The following KAZN variants were observed in gnomAD, a reference collection of about 807,000 sequenced individuals.
The protein encoded by KAZN is kazrin, periplakin interacting protein.
KAZN carries 40 observed loss-of-function variants against 87.4 expected under a neutral mutation model. The observed-to-expected ratio is 0.46, with a 90% CI of 0.36 to 0.60. KAZN has a LOEUF of 0.60. Among genes scored for constraint, KAZN ranks in the 20% least tolerant of loss-of-function variants. KAZN has a pLI of 0.00. For missense variants in KAZN, 898 were observed against 1,073.9 expected (o/e 0.84, Z 2.29); for synonymous variants, 466 against 458.3 (o/e 1.02, Z -0.22).
At chr1:14,986,689 G>T (rs2101926078) in intron 2 of KAZN, among the ~76,000 whole-genome samples, 2 of 152,176 alleles carry the variant, frequency 1.3e-5, no homozygotes, top group South Asian at 4.2e-4. Flanking sequence ...CTTAATTTGA[G>T]GTCACTTCAA....
chr1:14,219,182 G>T (rs1347144080), intron 2 of KAZN, among the ~76,000 whole-genome samples: 1 of 152,104 alleles, frequency 6.6e-6, no homozygotes, highest in Non-Finnish European at 1.5e-5. Flanking sequence ...CAGGGGAAAT[G>T]AAATATAGGG....
intron 1 of KAZN, among the ~76,000 whole-genome samples, chr1:13,956,228 T>A (rs1186576713): frequency 6.6e-6 from 1 of 152,210 alleles, no homozygotes; most frequent in Non-Finnish European, 1.5e-5. Flanking sequence ...TCAAGTTGAG[T>A]CTTCCTTACT....
chr1:15,003,228 T>G (rs184924521), intron 2 of KAZN, among the ~76,000 whole-genome samples: 3 of 152,208 alleles, frequency 2.0e-5, no homozygotes, highest in Non-Finnish European at 4.4e-5. Flanking sequence ...GCTTTCCAGG[T>G]GGGATAATGC....
chr1:14,715,715 C>T (rs1180427054), intron 1 of KAZN, among the ~76,000 whole-genome samples: 1 of 152,172 alleles, frequency 6.6e-6, no homozygotes, highest in Admixed American at 6.5e-5. Flanking sequence ...CAGTCAGAAC[C>T]ATTTTTCTGA....
intron 4 of KAZN, among the ~76,000 whole-genome samples, chr1:15,049,562 C>T (rs1239599065): frequency 6.6e-6 from 1 of 152,210 alleles, no homozygotes; most frequent in African/African-American, 2.4e-5. Flanking sequence ...AGACTGGAAG[C>T]ACCCCTCCAT....
chr1:14,829,343 G>A (rs561222683), intron 1 of KAZN, among the ~76,000 whole-genome samples: 1 of 152,312 alleles, frequency 6.6e-6, no homozygotes, highest in South Asian at 2.1e-4. Context: ...AATTATTTAG[G>A]AACATGTAAC....
intron 2 of KAZN, among the ~76,000 whole-genome samples, chr1:14,418,907 A>G (rs1235216046): frequency 6.6e-6 from 1 of 152,204 alleles, no homozygotes; most frequent in East Asian, 1.9e-4. Context: ...TGCAGAAATG[A>G]TGGCTGGATG....
intron 1 of KAZN, among the ~76,000 whole-genome samples, chr1:14,613,259 G>A (rs1462534865): frequency 6.6e-6 from 1 of 152,242 alleles, no homozygotes; most frequent in Non-Finnish European, 1.5e-5. Flanking sequence ...TCAACTCACA[G>A]AGGCTGGCAG....
At chr1:14,289,612 G>C (rs764736495) in intron 2 of KAZN, among the ~76,000 whole-genome samples, 3 of 151,916 alleles carry the variant, frequency 2.0e-5, no homozygotes, top group Non-Finnish European at 4.4e-5. Context: ...ATAGCACACT[G>C]TTGGGTCTTG....
intron 1 of KAZN, among the ~76,000 whole-genome samples, chr1:14,944,556 A>G (rs566758199): frequency 9.8e-4 from 149 of 152,294 alleles, no homozygotes; most frequent in African/African-American, 3.4e-3. Context: ...GGCGGTCTCC[A>G]GTGTGGACTG....
intron 1 of KAZN, among the ~76,000 whole-genome samples, chr1:13,965,313 G>A (rs565695387): frequency 6.6e-6 from 1 of 152,136 alleles, no homozygotes; most frequent in Non-Finnish European, 1.5e-5. Flanking sequence ...TCACGCCCTG[G>A]GAAATTCACA....
At chr1:14,867,621 G>A (rs1326599075) in intron 1 of KAZN, among the ~76,000 whole-genome samples, 1 of 152,092 alleles carries the variant, frequency 6.6e-6, no homozygotes, top group Non-Finnish European at 1.5e-5. Context: ...CTGATGTCAG[G>A]TGCTGCTGTT....
At chr1:14,677,080 G>A (rs187333906) in intron 1 of KAZN, among the ~76,000 whole-genome samples, 35 of 152,188 alleles carry the variant, frequency 2.3e-4, no homozygotes, top group South Asian at 1.5e-3. Flanking sequence ...TTTATTTAGT[G>A]CCAACTGTGT....
intron 1 of KAZN, among the ~76,000 whole-genome samples, chr1:14,925,836 CT>C (rs1659110738): frequency 2.0e-5 from 3 of 152,290 alleles, no homozygotes; most frequent in Admixed American, 2.0e-4. Flanking sequence ...TGGAGTTTTC[CT>C]TTTCCCACCT....
At chr1:14,238,977 T>C (rs899882826) in intron 2 of KAZN, among the ~76,000 whole-genome samples, 1 of 152,256 alleles carries the variant, frequency 6.6e-6, no homozygotes, top group African/African-American at 2.4e-5. Context: ...TCATTTGTAC[T>C]GGGATTGTGA....
chr1:14,662,330 A>G (rs1639232963), intron 1 of KAZN, among the ~76,000 whole-genome samples: 1 of 152,142 alleles, frequency 6.6e-6, no homozygotes, highest in African/African-American at 2.4e-5. Context: ...GGTTGCTGAC[A>G]CCATAGGCCA....
At position 14,558,356 on chromosome 1, in the gene KAZN, T is replaced by C. The variant is rs116354104; in HGVS notation, c.250-40627T>C. Among the ~76,000 whole-genome samples the C allele has an allele frequency of 1.7e-3, 258 of 152,306 alleles. 1 individual carries two copies. Among genetic ancestry groups the C allele is most frequent in the African/African-American group, 6.1e-3 (253 of 41,556 alleles). On this transcript the variant is annotated intron_variant, in intron 2 of 16. Coordinates refer to the KAZN transcript ENST00000636203. ...CAATACTGTGTGTGTGTCAGGAGCA[T>C]GCAACCTCCCAAGAAGCAAGTAAAC...
intron 1 of KAZN, among the ~76,000 whole-genome samples, chr1:14,905,249 G>C (rs1398696969): frequency 6.6e-6 from 1 of 152,134 alleles, no homozygotes; most frequent in African/African-American, 2.4e-5. Context: ...AGTAGAAATG[G>C]GGTTTCACCA....
At chr1:14,626,480 A>T (rs1679149672) in intron 1 of KAZN, among the ~76,000 whole-genome samples, 1 of 152,158 alleles carries the variant, frequency 6.6e-6, no homozygotes, top group African/African-American at 2.4e-5. Flanking sequence ...GGAGGTCCAG[A>T]TGGGTCCAGG....
Sources: gnomAD v4.1 joint callset for allele counts (sites outside exome capture counted in the v4.1 genomes callset) on GRCh38, gnomAD v4.1.1 for gene constraint, MANE v1.5 for transcripts, NCBI Gene and HGNC (gene_info 2026-07-23, HGNC 2026-07-21) for gene names.